NCOA2: variants seen among roughly 807,000 people sequenced by gnomAD.
NCOA2 encodes the protein class E basic helix-loop-helix protein 75.
In NCOA2, 21 loss-of-function variants were observed where a neutral mutation model predicts 145.1. The ratio of observed to expected loss-of-function variants is 0.14; its 90% CI spans 0.10 to 0.21. NCOA2 has a LOEUF of 0.21. NCOA2 is among the 10% of genes least tolerant of loss of function. The pLI, the probability that NCOA2 is intolerant of heterozygous loss-of-function variation, is 1.00. For missense variants in NCOA2, 1,472 were observed against 1,837.6 expected (o/e 0.80, Z 3.64); for synonymous variants, 619 against 637.5 (o/e 0.97, Z 0.44).
At chr8:70,272,651 C>A (rs1455781612) in intron 2 of NCOA2, among the ~76,000 whole-genome samples, 1 of 151,930 alleles carries the variant, frequency 6.6e-6, no homozygotes, top group African/African-American at 2.4e-5. Context: ...GAGGGAACAC[C>A]AGAAAAATGA....
chr8:70,420,690 A>G, the NCOA2 span, among the ~76,000 whole-genome samples: 1 of 152,192 alleles, frequency 6.6e-6, no homozygotes, highest in South Asian at 2.1e-4. Context: ...CTCTGTCGCC[A>G]GGCTGGAGTG....
intron 5 of NCOA2, among the ~76,000 whole-genome samples, chr8:70,174,538 C>T (rs149025182): frequency 7.2e-5 from 11 of 152,274 alleles, no homozygotes; most frequent in Non-Finnish European, 1.3e-4. Flanking sequence ...CTACTCTAAT[C>T]TAGTTAATTT....
At chr8:70,187,077 A>G (rs981710939) in intron 4 of NCOA2, among the ~76,000 whole-genome samples, 14 of 152,230 alleles carry the variant, frequency 9.2e-5, no homozygotes, top group Non-Finnish European at 7.3e-5. Flanking sequence ...GTAGGCAATT[A>G]AAAAGAATAC....
chr8:70,158,538 T>C (rs184092122), intron 10 of NCOA2, among the ~76,000 whole-genome samples: 29 of 152,322 alleles, frequency 1.9e-4, no homozygotes, highest in African/African-American at 4.6e-4. Context: ...TAGAAAGTTC[T>C]AGATTTAGGC....
chr8:70,323,869 A>G (rs1015882346), intron 1 of NCOA2, among the ~76,000 whole-genome samples: 1 of 152,198 alleles, frequency 6.6e-6, no homozygotes, highest in African/African-American at 2.4e-5. Context: ...CAACTATCCA[A>G]TACCATATGG....
At position 70,113,584 on chromosome 8, in the gene NCOA2, T is replaced by G; in HGVS notation, c.*48A>C. ...ACAGCTCTCCAGACTGGAAGTGTTT[T>G]GAGCAAGTGAGCCCGGTCAGCTGAA... On this transcript the variant is annotated 3_prime_UTR_variant, in exon 23 of 23. Transcript: ENST00000452400. 1 of 1,548,842 alleles carries G rather than the reference T, an allele frequency of 6.5e-7. No homozygotes were observed. Among genetic ancestry groups the G allele is most frequent in the Non-Finnish European group, 8.7e-7 (1 of 1,144,348 alleles).
chr8:70,424,990 T>C, the NCOA2 span, among the ~76,000 whole-genome samples: 4 of 152,200 alleles, frequency 2.6e-5, no homozygotes, highest in South Asian at 4.1e-4. Flanking sequence ...CTCACTCCAC[T>C]AGGACAGTTC....
chr8:70,162,850 C>T lies in NCOA2; in HGVS notation c.837G>A (p.Lys279=). 3 of 1,610,558 alleles carry T rather than the reference C, an allele frequency of 1.9e-6. No homozygotes were observed. Among genetic ancestry groups the T allele is most frequent in the Non-Finnish European group, 2.5e-6 (3 of 1,178,904 alleles). The part of the protein sequence containing the change: ...SFTTRQDLQG[K]ITSLDTSTMR... ...TGGTGCTGGTATCCAGAGACGTGAT[C>T]TTGCCTATTAAGTAACAGCAGGCAT... The change falls in exon 9 of 23, where the codon AAG becomes AAA. Residue 279 remains lysine, a synonymous_variant. Coordinates refer to ENST00000452400, the MANE Select transcript of NCOA2 (RefSeq NM_006540.4).
intron 12 of NCOA2, among the ~76,000 whole-genome samples, chr8:70,145,057 T>C (rs1218841548): frequency 6.6e-6 from 1 of 152,224 alleles, no homozygotes; most frequent in African/African-American, 2.4e-5. Context: ...CTCTAATTCT[T>C]GACGATCTTG....
At chr8:70,391,482 C>G (rs1273868393) in intron 1 of NCOA2, among the ~76,000 whole-genome samples, 3 of 152,210 alleles carry the variant, frequency 2.0e-5, no homozygotes, top group African/African-American at 4.8e-5. Flanking sequence ...GACCTAGAGA[C>G]TTCAGAAGGA....
the NCOA2 span, among the ~76,000 whole-genome samples, chr8:70,450,573 CT>C: frequency 8.9e-3 from 845 of 94,586 alleles, 4 homozygotes; most frequent in African/African-American, 0.031. Flanking sequence ...TCTTTTTATT[CT>C]TTTTTTTTTT....
chr8:70,219,045 A>ATG (rs1189382221), intron 2 of NCOA2, among the ~76,000 whole-genome samples: 1 of 152,184 alleles, frequency 6.6e-6, no homozygotes, highest in Non-Finnish European at 1.5e-5. Flanking sequence ...TTATATATAT[A>ATG]TTATTTGCAT....
Position 70,157,118 on chromosome 8 carries a change from T to C in NCOA2, c.1247A>G (p.Asp416Gly). Residue 416 changes from aspartate (D) to glycine (G), a missense_variant, in exon 11 of 23, where the codon GAC (aspartate) becomes GGC (glycine). Asp to Gly is a moderately conservative substitution (Grantham distance 94, BLOSUM62 -1). Coordinates refer to ENST00000452400, the MANE Select transcript of NCOA2 (RefSeq NM_006540.4). ...ATTTATATTGCTACTGAGGGTCATG[T>C]CCTGACCTGGGTTCCCACTGCACAG... ...QALCSGNPGQDMTLSSNINFP... is the reference protein window; with the variant it reads ...QALCSGNPGQGMTLSSNINFP... The C allele has an allele frequency of 6.2e-7, 1 of 1,613,982 alleles. No individual in the cohort carries two copies. Among genetic ancestry groups the C allele is most frequent in the Non-Finnish European group, 8.5e-7 (1 of 1,179,864 alleles).
chr8:70,324,404 A>C (rs1806372333), intron 1 of NCOA2, among the ~76,000 whole-genome samples: 1 of 152,160 alleles, frequency 6.6e-6, no homozygotes, highest in South Asian at 2.1e-4. Flanking sequence ...TGATGTGACC[A>C]AAGCTCGCTG....
chr8:70,170,135 CTG>C (rs1814077740), intron 6 of NCOA2, 65 bp downstream of exon 6: 5 of 1,439,850 alleles, frequency 3.5e-6, no homozygotes, highest in Non-Finnish European at 4.8e-6. Flanking sequence ...AACCAAGACA[CTG>C]TGTGTATGAG....
At chr8:70,262,677 A>G (rs181945449) in intron 2 of NCOA2, among the ~76,000 whole-genome samples, 1 of 152,354 alleles carries the variant, frequency 6.6e-6, no homozygotes, top group East Asian at 1.9e-4. Context: ...ATGCTAAAAA[A>G]ACAGTGGCAG....
chr8:70,278,630 C>A (rs1161248692), intron 2 of NCOA2, among the ~76,000 whole-genome samples: 1 of 152,070 alleles, frequency 6.6e-6, no homozygotes, highest in Non-Finnish European at 1.5e-5. Context: ...CCAGTATTGC[C>A]CTCCTCTAGT....
Position 70,170,205 on chromosome 8 carries a change from T to C in NCOA2, c.538A>G (p.Ile180Val), listed in dbSNP as rs375385087. ...GGGAGACCCAGCAGACATTTACCTATAGACTTTGGCAGCAGGTTTTTGACA... is the reference window on the plus strand; with the variant it reads ...GGGAGACCCAGCAGACATTTACCTACAGACTTTGGCAGCAGGTTTTTGACA... ...EFVKNLLPKS[I>V]VNGGSWSGEP... The change falls in exon 6 of 23, where the codon ATA becomes GTA. Residue 180 changes from isoleucine to valine, a missense_variant. Coordinates refer to ENST00000452400, the MANE Select transcript of NCOA2 (RefSeq NM_006540.4). 28 of 1,612,872 alleles carry C rather than the reference T, an allele frequency of 1.7e-5. No homozygotes were observed. The highest frequency in any genetic ancestry group is 2.0e-5 in the Non-Finnish European group (24 of 1,179,524).
At chr8:70,310,993 A>G (rs1805063066) in intron 1 of NCOA2, among the ~76,000 whole-genome samples, 1 of 152,196 alleles carries the variant, frequency 6.6e-6, no homozygotes, top group Admixed American at 6.5e-5. Flanking sequence ...AACACAGTAA[A>G]TAACTATGTT....
Sources: gnomAD v4.1 joint callset for allele counts (sites outside exome capture counted in the v4.1 genomes callset) on GRCh38, gnomAD v4.1.1 for gene constraint, MANE v1.5 for transcripts, NCBI Gene and HGNC (gene_info 2026-07-23, HGNC 2026-07-21) for gene names.